FANCM: variants seen among roughly 807,000 people sequenced by gnomAD.
FANCM encodes FA complementation group M.
In FANCM, 140 loss-of-function variants were observed where a neutral mutation model predicts 199.5. The observed-to-expected ratio is 0.70, with a 90% CI of 0.61 to 0.81. The LOEUF is 0.81. Among genes scored for constraint, FANCM ranks in the 30% least tolerant of loss-of-function variants. The pLI, the probability that FANCM is intolerant of heterozygous loss-of-function variation, is 0.00. For missense variants in FANCM, 2,410 were observed against 2,421.4 expected (o/e 1.00, Z 0.10); for synonymous variants, 840 against 836.8 (o/e 1.00, Z -0.07).
intron 8 of FANCM, among the ~76,000 whole-genome samples, chr14:45,157,788 A>G (rs998568089): frequency 6.6e-6 from 1 of 152,348 alleles, no homozygotes; most frequent in Non-Finnish European, 1.5e-5. Context: ...ATTGTAAATT[A>G]ACTTTATATT....
At chr14:45,158,422 A>C (rs1223717707) in intron 8 of FANCM, among the ~76,000 whole-genome samples, 36 of 126,662 alleles carry the variant, frequency 2.8e-4, no homozygotes, top group Middle Eastern at 4.1e-3. Context: ...ACTGCCCGCC[A>C]CCCCCCTACC....
chr14:45,167,985 G>A (rs1458701674), intron 11 of FANCM, among the ~76,000 whole-genome samples: 2 of 152,024 alleles, frequency 1.3e-5, no homozygotes, highest in African/African-American at 2.4e-5. Flanking sequence ...AGACTCTTAC[G>A]CTGAAAAATC....
intron 14 of FANCM, 90 bp downstream of exon 14, chr14:45,177,066 G>T: frequency 1.3e-6 from 1 of 777,464 alleles, no homozygotes; most frequent in Non-Finnish European, 2.2e-6. Context: ...TAATTTTTTA[G>T]TACATGGTAC....
intron 14 of FANCM, among the ~76,000 whole-genome samples, chr14:45,179,016 T>C (rs912676634): frequency 4.5e-4 from 68 of 152,024 alleles, no homozygotes; most frequent in African/African-American, 1.6e-3. Flanking sequence ...CTGGCCAACA[T>C]GATGAAACCC....
chr14:45,160,537 G>T (rs1453354184), intron 9 of FANCM, among the ~76,000 whole-genome samples: 1 of 148,070 alleles, frequency 6.8e-6, no homozygotes, highest in Non-Finnish European at 1.5e-5. Flanking sequence ...TGTTGGTCAG[G>T]TATTCTTTTT....
chr14:45,156,282 G>T lies in FANCM; in HGVS notation c.1396+823G>T, dbSNP rs547674066. 8.5e-5 allele frequency among the ~76,000 whole-genome samples: 13 copies of T among 152,290 alleles called. No homozygotes were observed. In the South Asian group the frequency reaches 2.7e-3, roughly 32 times the overall value. ...AAACAGACCAGTGTGGTTAGATTGA[G>T]GCTACAAGTATGACTGAGCCTACAA... On this transcript the variant is annotated intron_variant, in intron 8 of 22. Transcript: ENST00000267430.
Position 45,176,103 on chromosome 14 carries a change from G to A in FANCM, c.3349G>A (p.Asp1117Asn), listed in dbSNP as rs745742071. ...AQNLVGENNH[D>N]VDNSDLPVLS... is the part of the protein sequence containing the mutation. ...GAATTTAGTTGGAGAGAACAATCAT[G>A]ATGTTGATAACAGTGACCTCCCAGT... The change falls in exon 14 of 23, where the codon GAT (aspartate) becomes AAT (asparagine). Residue 1117 changes from aspartate (D) to asparagine (N), a missense_variant. Transcript: ENST00000267430. 1 of 1,614,028 alleles carries A rather than the reference G, an allele frequency of 6.2e-7. No homozygotes were observed.
rs1887893302 is a variant in FANCM at position 45,165,331 on chromosome 14, A to AAT, written c.1788+766_1788+767insAT. 2.0e-5 allele frequency among the ~76,000 whole-genome samples: 3 copies of AAT among 152,138 alleles called. No individual in the cohort carries two copies. The South Asian group carries it at 6.2e-4, about 32-fold the overall frequency. On this transcript the variant is annotated intron_variant, in intron 10 of 22. Transcript: ENST00000267430. ...CCAGTACCTTTAGGAGGCTCACTTG[A>AAT]GGTCAGGAGTCCGAGACCAGCCTGG...
chr14:45,169,916 C>G (rs1888232073), intron 11 of FANCM, among the ~76,000 whole-genome samples: 1 of 152,114 alleles, frequency 6.6e-6, no homozygotes. Context: ...GCCCCAACCC[C>G]CATTTAAGAC....
chr14:45,181,706 G>A lies in FANCM; in HGVS notation c.4386+1G>A, dbSNP rs1889085249. 4 of 1,588,440 alleles carry A rather than the reference G, an allele frequency of 2.5e-6. No homozygotes were observed. The highest frequency in any genetic ancestry group is 1.3e-5 in the African/African-American group (1 of 74,584). On this transcript the variant is annotated splice_donor_variant, in intron 16 of 22. Transcript: ENST00000267430. LOFTEE classifies it high-confidence loss of function. ...AAAGCGCAGATTTCCTATAAACAGA[G>A]TAAGTAAATACCAGGTAATGTATAG...
intron 18 of FANCM, among the ~76,000 whole-genome samples, chr14:45,186,010 T>C (rs905635939): frequency 6.6e-6 from 1 of 152,212 alleles, no homozygotes; most frequent in African/African-American, 2.4e-5. Flanking sequence ...GAGATTCTCC[T>C]GCTTTAGCCT....
chr14:45,138,230 G>A (rs1885662666), intron 2 of FANCM, among the ~76,000 whole-genome samples: 1 of 152,152 alleles, frequency 6.6e-6, no homozygotes, highest in Admixed American at 6.5e-5. Flanking sequence ...AACTATAGTA[G>A]TTGGTGATGA....
chr14:45,173,684 T>C (rs892147335), intron 13 of FANCM, among the ~76,000 whole-genome samples: 6 of 152,240 alleles, frequency 3.9e-5, no homozygotes, highest in African/African-American at 1.2e-4. Context: ...TCCTACTGAT[T>C]GTGTGTTTGT....
chr14:45,157,743 C>A (rs1594776074), intron 8 of FANCM, among the ~76,000 whole-genome samples: 1 of 152,190 alleles, frequency 6.6e-6, no homozygotes, highest in South Asian at 2.1e-4. Flanking sequence ...TTACTTGGAA[C>A]AGCTGCTTCT....
intron 8 of FANCM, among the ~76,000 whole-genome samples, chr14:45,156,763 C>T (rs1594775113): frequency 6.6e-6 from 1 of 151,766 alleles, no homozygotes; most frequent in South Asian, 2.1e-4. Flanking sequence ...ACTAAAAATA[C>T]AAAAATTAGC....
rs1594773895 is a variant in FANCM, at chr14:45,155,458, T to C, written c.1395T>C (p.Asn465=). Residue 465 remains asparagine (N), a splice_region_variant and synonymous_variant, in exon 8 of 23, where the codon AAT becomes AAC. Transcript: ENST00000267430. The stretch of plus-strand genomic sequence containing the variant: ...TAATTGAACACTTCAAGTCATGGAA[T>C]GGTAGGTCATATTTAGTAGCTTTAA... ...EVVIEHFKSW[N]AENTTEKKRD... is the part of the protein sequence containing the mutation. 6.9e-7 allele frequency: 1 copy of C among 1,439,866 alleles called. No homozygotes were observed. The highest frequency in any genetic ancestry group is 9.8e-7 in the Non-Finnish European group (1 of 1,022,854). The allele number at this position is 1,439,866 out of a possible 1,614,324, so 89.2% of individuals were successfully genotyped here. A position where few individuals can be genotyped will look rare whatever the true frequency, so the allele number is the denominator to read the frequency against.
At chr14:45,152,894 A>C (rs1886927615) in intron 5 of FANCM, among the ~76,000 whole-genome samples, 1 of 152,218 alleles carries the variant, frequency 6.6e-6, no homozygotes. Context: ...GTATATTATT[A>C]TTTAAAACTT....
chr14:45,194,933 G>C (rs1339689970), intron 20 of FANCM, among the ~76,000 whole-genome samples: 1 of 151,460 alleles, frequency 6.6e-6, no homozygotes, highest in Non-Finnish European at 1.5e-5. Flanking sequence ...ATTTTTAGTA[G>C]AGACAGGGTT....
intron 8 of FANCM, 47 bp downstream of exon 8, chr14:45,155,506 A>G (rs751467359): frequency 4.0e-6 from 4 of 995,678 alleles, no homozygotes; most frequent in South Asian, 1.3e-5. Flanking sequence ...TTATTGCAAG[A>G]GGTAAAACTT....
Sources: allele counts gnomAD v4.1 joint callset (sites outside exome capture counted in the v4.1 genomes callset), GRCh38; gene constraint gnomAD v4.1.1; transcripts MANE v1.5; gene names NCBI Gene and HGNC (gene_info 2026-07-23, HGNC 2026-07-21).